Variants in CAPN14 observed in about 807,000 individuals in gnomAD.
CAPN14 encodes calpain 14, also known as calpain-14.
In CAPN14, 94 loss-of-function variants were observed where a neutral mutation model predicts 101.3. The observed-to-expected ratio is 0.93, with a 90% CI of 0.79 to 1.10. The LOEUF is 1.10. CAPN14 is among the 50% of genes least tolerant of loss of function. The probability of loss-of-function intolerance (pLI) is 0.00; values close to 1 mark genes in which losing one functional copy is unlikely to be tolerated. For synonymous variants in CAPN14, 338 were observed against 317.9 expected (o/e 1.06, Z -0.67); for missense variants, 837 against 828.4 (o/e 1.01, Z -0.13).
In CAPN14 at chr2:31,209,706, G is replaced by A. The variant is rs369448694; in HGVS notation, c.-52-4207C>T. Among the ~76,000 whole-genome samples, 62 of 152,258 alleles carry A rather than the reference G, an allele frequency of 4.1e-4. 1 individual carries two copies. Among genetic ancestry groups the A allele is most frequent in the African/African-American group, 1.4e-3 (60 of 41,546 alleles). On this transcript the variant is annotated intron_variant, in intron 1 of 21. Transcript: ENST00000403897. ...TGTCAAAATTTACTCCTTCAGGTGG[G>A]TCTCAGTGATATTTCAGTAGCCAGT... is the stretch of plus-strand genomic sequence containing the variant.
At chr2:31,222,893 G>A (rs56117659) in intron 2 of CAPN14, among the ~76,000 whole-genome samples, 3,339 of 152,272 alleles carry the variant, frequency 0.022, 38 homozygotes, top group South Asian at 0.043. Context: ...TCATGAGGGT[G>A]GAGCAATGAA....
chr2:31,184,917 T>C (rs929630551), intron 16 of CAPN14, among the ~76,000 whole-genome samples: 4 of 152,208 alleles, frequency 2.6e-5, no homozygotes, highest in Admixed American at 1.3e-4. Flanking sequence ...TAACCAAATA[T>C]CTTTCACATA....
intron 1 of CAPN14, among the ~76,000 whole-genome samples, chr2:31,216,675 AC>A (rs1682657366): frequency 1.3e-5 from 2 of 152,138 alleles, no homozygotes; most frequent in Admixed American, 6.5e-5. Context: ...GGTACCACCC[AC>A]CAAAACATTG....
At position 31,228,579 on chromosome 2, in the gene CAPN14, A is replaced by T. The variant is rs547610822; in HGVS notation, c.-176-1928T>A. ...TAACTTATTAGGTGCCAGCATATTA[A>T]ATAGCTTATTAAATATTACAGCTAT... is the stretch of plus-strand genomic sequence containing the variant. On this transcript the variant is annotated intron_variant and NMD_transcript_variant, in intron 1 of 21. Coordinates refer to the CAPN14 transcript ENST00000398824. Among the ~76,000 whole-genome samples, 34 of 152,354 alleles carry T rather than the reference A, an allele frequency of 2.2e-4. 1 individual carries two copies. In the South Asian group the frequency reaches 5.0e-3, roughly 22 times the overall value.
At chr2:31,195,680 G>A (rs1243099135) in intron 8 of CAPN14, among the ~76,000 whole-genome samples, 2 of 152,136 alleles carry the variant, frequency 1.3e-5, no homozygotes, top group Non-Finnish European at 2.9e-5. Flanking sequence ...AGAGATCCCA[G>A]AGGGTCTACA....
At chr2:31,177,874 C>G (rs1680388746) in intron 18 of CAPN14, 53 bp from the exon 19 acceptor site, 2 of 1,339,748 alleles carry the variant, frequency 1.5e-6, no homozygotes, top group Non-Finnish European at 1.0e-6. Context: ...CAAGCACCAT[C>G]TGAGAGCCCT....
chr2:31,232,008 G>A (rs553852495), intron 1 of CAPN14, among the ~76,000 whole-genome samples: 1 of 152,244 alleles, frequency 6.6e-6, no homozygotes, highest in South Asian at 2.1e-4. Context: ...ATCAGTTTTG[G>A]GGTTCAAGGA....
At position 31,181,020 on chromosome 2, in the gene CAPN14, T is replaced by C; in HGVS notation, c.1646-20A>G. 3 of 1,550,022 alleles carry C rather than the reference T, an allele frequency of 1.9e-6. No homozygotes were observed. The South Asian group carries it at 3.6e-5, about 18-fold the overall frequency. On this transcript the variant is annotated intron_variant, in intron 16 of 21. Transcript: ENST00000403897. Reference sequence around the variant, plus strand: ...CCAGACCTGTGAAGGAGCGAAAGAGTCCACATGGGGGCTGGCCCCAGGTCT... The same window carrying C: ...CCAGACCTGTGAAGGAGCGAAAGAGCCCACATGGGGGCTGGCCCCAGGTCT...
At chr2:31,192,858 C>T (rs908459518) in intron 10 of CAPN14, among the ~76,000 whole-genome samples, 32 of 152,170 alleles carry the variant, frequency 2.1e-4, no homozygotes, top group African/African-American at 7.0e-4. Context: ...CTGTGACCCC[C>T]GGTGCTGACT....
chr2:31,193,555 G>A (rs759231348), intron 9 of CAPN14, among the ~76,000 whole-genome samples: 1 of 152,220 alleles, frequency 6.6e-6, no homozygotes, highest in Non-Finnish European at 1.5e-5. Context: ...GGCTGACCGG[G>A]GGAGATGTTC....
rs934342908 is a variant in CAPN14 at position 31,189,361 on chromosome 2, C to T, written c.1405G>A (p.Gly469Arg). 6 of 1,551,768 alleles carry T rather than the reference C, an allele frequency of 3.9e-6. No individual in the cohort carries two copies. In the East Asian group the frequency reaches 1.5e-4, roughly 38 times the overall value. The change falls in exon 13 of 22, where the codon GGG (glycine) becomes AGG (arginine). Residue 469 changes from glycine (G) to arginine (R), a missense_variant. Physicochemically the swap from Gly to Arg is moderately radical, Grantham distance 125 (BLOSUM62 -2). Coordinates refer to ENST00000403897, the MANE Select transcript of CAPN14 (RefSeq NM_001145122.2). Reference protein sequence around the residue: ...EVSQELCLEPGTYLIVPCILE... With the variant: ...EVSQELCLEPRTYLIVPCILE... Reference sequence around the variant, plus strand: ...ATGCAGGGCACGATGAGGTACGTCCCTGGTTCCAGACACAGCTCCTGACTC... The same window carrying T: ...ATGCAGGGCACGATGAGGTACGTCCTTGGTTCCAGACACAGCTCCTGACTC...
rs1201127840 is a variant in CAPN14, at chr2:31,200,605, T to A, written c.572A>T (p.Asp191Val). The stretch of plus-strand genomic sequence containing the variant: ...TTCAGACACCTGTCCTGACTGCAAG[T>A]CTTCATAGGAACCAGAGAGCCTGGC... ...AYAKLSGSYE[D>V]LQSGQVSEAL... Residue 191 changes from aspartate (D) to valine (V), a missense_variant, in exon 6 of 22, where the codon GAC becomes GTC. Asp to Val is a radical substitution (Grantham distance 152, BLOSUM62 -3). Coordinates refer to ENST00000403897, the MANE Select transcript of CAPN14 (RefSeq NM_001145122.2). 2.3e-5 allele frequency: 36 copies of A among 1,550,410 alleles called. No homozygotes were observed. Among genetic ancestry groups the A allele is most frequent in the Non-Finnish European group, 3.1e-5 (36 of 1,146,572 alleles).
intron 1 of CAPN14, among the ~76,000 whole-genome samples, chr2:31,207,715 G>T (rs1287573094): frequency 6.6e-6 from 1 of 152,202 alleles, no homozygotes; most frequent in African/African-American, 2.4e-5. Context: ...GCAGTGAACA[G>T]AGATGGCGGC....
At position 31,177,789 on chromosome 2, in the gene CAPN14, T is replaced by A. The variant is rs1680383225; in HGVS notation, c.1812A>T (p.Gly604=). ...KVFHKQDRGS[G]YLNWEQLHAA... ...CGTGCAGCTGCTCCCAGTTCAGGTA[T>A]CCTGACCCACGGTCTTGCTTGTGGA... The change falls in exon 19 of 22, where the codon GGA becomes GGT. Residue 604 remains glycine, a synonymous_variant. Transcript: ENST00000403897. The A allele has an allele frequency of 1.3e-6, 2 of 1,552,082 alleles. No homozygotes were observed. Among genetic ancestry groups the A allele is most frequent in the Non-Finnish European group, 1.7e-6 (2 of 1,147,066 alleles).
intron 11 of CAPN14, 133 bp from the exon 12 acceptor site, chr2:31,191,540 T>C (rs1395983140): frequency 1.2e-5 from 10 of 816,006 alleles, no homozygotes; most frequent in East Asian, 2.7e-5. Context: ...CCAGAAGCCG[T>C]GTCCCCTCCC....
chr2:31,203,098 T>C lies in CAPN14; in HGVS notation c.267A>G (p.Lys89=). Residue 89 remains lysine (K), a synonymous_variant, in exon 3 of 22, where the codon AAA becomes AAG. Transcript: ENST00000403897. ...SNPQFYFAKA[K]RLDLCQGIVG... ...CTATCCCCTGGCACAGATCCAGCCT[T>C]TTGGCCTTGGCAAAATAAAACTGGG... 6.4e-7 allele frequency: 1 copy of C among 1,551,650 alleles called. No individual in the cohort carries two copies. Among genetic ancestry groups the C allele is most frequent in the Non-Finnish European group, 8.7e-7 (1 of 1,146,974 alleles).
chr2:31,179,432 G>A (rs751993332), intron 17 of CAPN14, among the ~76,000 whole-genome samples: 88 of 152,198 alleles, frequency 5.8e-4, no homozygotes, highest in Non-Finnish European at 9.8e-4. Flanking sequence ...AGTATTCCAC[G>A]GTGTATATAT....
upstream of CAPN14, among the ~76,000 whole-genome samples, chr2:31,218,498 TG>T (rs1228131143): frequency 1.3e-5 from 2 of 152,216 alleles, no homozygotes; most frequent in Non-Finnish European, 2.9e-5. Flanking sequence ...TCAATCATTT[TG>T]TGTGATTATC....
chr2:31,178,218 C>G (rs1436759012), intron 18 of CAPN14, among the ~76,000 whole-genome samples: 1 of 152,088 alleles, frequency 6.6e-6, no homozygotes, highest in African/African-American at 2.4e-5. Flanking sequence ...CTTTAAATGC[C>G]AAGTGTGCCA....
Sources: allele counts gnomAD v4.1 joint callset (sites outside exome capture counted in the v4.1 genomes callset), GRCh38; gene constraint gnomAD v4.1.1; transcripts MANE v1.5; gene names NCBI Gene and HGNC (gene_info 2026-07-23, HGNC 2026-07-21).